Variants in SPSB1 observed in about 807,000 individuals in gnomAD.
SPSB1 encodes splA/ryanodine receptor domain and SOCS box containing 1, also known as SPRY domain-containing SOCS box protein 1.
Under a neutral mutation model 21.2 loss-of-function variants are expected in SPSB1, and 8 were observed. That is an observed-to-expected ratio of 0.38 (90% CI 0.22 to 0.68). The LOEUF (loss-of-function observed/expected upper bound fraction) is 0.68. SPSB1 is among the 30% of genes least tolerant of loss of function. The pLI is 0.53. For synonymous variants in SPSB1, 169 were observed against 161.7 expected, an observed-to-expected ratio of 1.05 and a Z score of -0.34; for missense variants, 242 against 377.8, an observed-to-expected ratio of 0.64 and a Z score of 2.98.
At chr1:9,297,640 G>C (rs1330351724) in intron 1 of SPSB1, among the ~76,000 whole-genome samples, 15 of 152,142 alleles carry the variant, frequency 9.9e-5, no homozygotes, top group African/African-American at 3.6e-4. Context: ...ACTTGATGTT[G>C]TAGCTCAGGG....
At position 9,348,101 on chromosome 1, in the gene SPSB1, C is replaced by T. The variant is rs1344724868; in HGVS notation, c.-149-7642C>T. 1.3e-5 allele frequency among the ~76,000 whole-genome samples: 2 copies of T among 152,016 alleles called. No homozygotes were observed. The highest frequency in any genetic ancestry group is 2.1e-4 in the South Asian group (1 of 4,818). ...CTGGGATTACAGGTGCTCACCACCA[C>T]GCCCAGCTTATTTTTGTATTTTTAG... On this transcript the variant is annotated intron_variant, in intron 1 of 2. Transcript: ENST00000328089. This position sits in a 1 kb window ranked among gnomAD's most constrained non-coding sequence, Gnocchi z 4.8.
In SPSB1 at chr1:9,324,956, G is replaced by A. The variant is rs1639788901; in HGVS notation, c.-149-30787G>A. Among the ~76,000 whole-genome samples the A allele has an allele frequency of 6.6e-6, 1 of 152,232 alleles. No individual in the cohort carries two copies. Among genetic ancestry groups the A allele is most frequent in the Non-Finnish European group, 1.5e-5 (1 of 68,028 alleles). The stretch of plus-strand genomic sequence containing the variant: ...GGACACCCGGCCTGGCGGGCTGGTG[G>A]ATCGGAGGCGCCTGTGAGCGGGTCA... On this transcript the variant is annotated intron_variant, in intron 1 of 2. Transcript: ENST00000328089. This position sits in a 1 kb window ranked among gnomAD's most constrained non-coding sequence, Gnocchi z 4.3.
intron 2 of SPSB1, among the ~76,000 whole-genome samples, chr1:9,361,018 G>A (rs111352951): frequency 0.081 from 12,326 of 152,220 alleles, 640 homozygotes; most frequent in Non-Finnish European, 0.12. Context: ...CAAGTCCCCC[G>A]TCCCGGGAGA....
At chr1:9,359,282 T>TG (rs1278906459) in intron 2 of SPSB1, among the ~76,000 whole-genome samples, 1 of 151,956 alleles carries the variant, frequency 6.6e-6, no homozygotes. Flanking sequence ...CATTGGAGGG[T>TG]GGGGCACTGT....
intron 1 of SPSB1, among the ~76,000 whole-genome samples, chr1:9,347,977 C>T (rs1157086077): frequency 6.8e-6 from 1 of 146,280 alleles, no homozygotes; most frequent in Non-Finnish European, 1.5e-5. Flanking sequence ...CAGAATCTCG[C>T]TCTGACGCCC....
intron 1 of SPSB1, among the ~76,000 whole-genome samples, chr1:9,304,726 A>G (rs1337186645): frequency 6.6e-6 from 1 of 152,056 alleles, no homozygotes; most frequent in Non-Finnish European, 1.5e-5. Context: ...TCCTAAGTGG[A>G]AGTGGTCCAA....
intron 1 of SPSB1, among the ~76,000 whole-genome samples, chr1:9,341,442 C>T (rs982861487): frequency 2.6e-5 from 4 of 152,244 alleles, no homozygotes; most frequent in Non-Finnish European, 4.4e-5. Flanking sequence ...GCAGCAAGTT[C>T]TGCCTGTTCT....
intron 1 of SPSB1, among the ~76,000 whole-genome samples, chr1:9,298,949 T>C (rs12069701): frequency 0.11 from 16,204 of 152,150 alleles, 1,023 homozygotes; most frequent in East Asian, 0.14. Flanking sequence ...AAAAGCAACA[T>C]TGCATCCCTG....
intron 1 of SPSB1, 63 bp from the exon 2 acceptor site, chr1:9,355,680 G>A: frequency 2.3e-6 from 3 of 1,286,958 alleles, no homozygotes; most frequent in South Asian, 6.4e-5. Context: ...CTTGCCCTCC[G>A]GGTTAACTTT....
intron 1 of SPSB1, among the ~76,000 whole-genome samples, chr1:9,307,167 A>C (rs776931132): frequency 7.2e-5 from 11 of 152,074 alleles, no homozygotes; most frequent in Non-Finnish European, 1.0e-4. Flanking sequence ...ACCTCAGGTG[A>C]TCTGCCCGCT....
At position 9,346,739 on chromosome 1, in the gene SPSB1, G is replaced by A. The variant is rs1333283375; in HGVS notation, c.-149-9004G>A. 6.6e-6 allele frequency among the ~76,000 whole-genome samples: 1 copy of A among 152,162 alleles called. No homozygotes were observed. Among genetic ancestry groups the A allele is most frequent in the South Asian group, 2.1e-4 (1 of 4,822 alleles). On this transcript the variant is annotated intron_variant, in intron 1 of 2. Coordinates refer to ENST00000328089, the MANE Select transcript of SPSB1 (RefSeq NM_025106.4). This position sits in a 1 kb window ranked among gnomAD's most constrained non-coding sequence, Gnocchi z 4.4. ...TCCCTGGCGTTGGTCTATCAGGGGTGGAACAGCCACCGGTGTTTCTGATGG... is the reference window on the plus strand; with the variant it reads ...TCCCTGGCGTTGGTCTATCAGGGGTAGAACAGCCACCGGTGTTTCTGATGG...
intron 2 of SPSB1, among the ~76,000 whole-genome samples, chr1:9,365,495 C>T (rs1360089060): frequency 6.6e-6 from 1 of 152,180 alleles, no homozygotes; most frequent in African/African-American, 2.4e-5. Flanking sequence ...TTTGTAACAG[C>T]TTTACTGAGC....
chr1:9,337,925 G>GT (rs549438556), intron 1 of SPSB1, among the ~76,000 whole-genome samples: 7 of 152,316 alleles, frequency 4.6e-5, no homozygotes, highest in African/African-American at 1.7e-4. Context: ...GAGTGACCTG[G>GT]TGGCTCTTCC....
rs1242457771 is a variant in SPSB1, at chr1:9,305,852, A to T, written c.-150+12781A>T. On this transcript the variant is annotated intron_variant, in intron 1 of 2. Transcript: ENST00000328089. The surrounding 1 kb of genome is among the most constrained non-coding windows in gnomAD (Gnocchi z 4.8). ...GGGTGAGACAGGCCCGTCTCTGCTGATGATAGCGCTCAGGGTATCAGAGGA... is the reference window on the plus strand; with the variant it reads ...GGGTGAGACAGGCCCGTCTCTGCTGTTGATAGCGCTCAGGGTATCAGAGGA... Among the ~76,000 whole-genome samples, 1 of 152,104 alleles carries T rather than the reference A, an allele frequency of 6.6e-6. No individual in the cohort carries two copies. The highest frequency in any genetic ancestry group is 6.6e-5 in the Admixed American group (1 of 15,264).
chr1:9,319,326 GGC>G (rs1334962022), intron 1 of SPSB1, among the ~76,000 whole-genome samples: 3 of 152,334 alleles, frequency 2.0e-5, no homozygotes, highest in African/African-American at 7.2e-5. Flanking sequence ...GCGCTGCCCT[GGC>G]CGTGGCATGT....
In SPSB1 at chr1:9,363,120, G is replaced by A. The variant is rs1043411406; in HGVS notation, c.695-4328G>A. On this transcript the variant is annotated intron_variant, in intron 2 of 2. Coordinates refer to ENST00000328089, the MANE Select transcript of SPSB1 (RefSeq NM_025106.4). This position sits in a 1 kb window ranked among gnomAD's most constrained non-coding sequence, Gnocchi z 4.5. ...GGGGCTGGGCATTTTTTCACGGCACGAAGCCCACGTCTGTTTCTGTGGCCA... is the reference window on the plus strand; with the variant it reads ...GGGGCTGGGCATTTTTTCACGGCACAAAGCCCACGTCTGTTTCTGTGGCCA... Among the ~76,000 whole-genome samples the A allele has an allele frequency of 5.3e-5, 8 of 152,118 alleles. No homozygotes were observed. The highest frequency in any genetic ancestry group is 2.1e-4 in the South Asian group (1 of 4,832).
At chr1:9,366,393 C>A (rs926267373) in intron 2 of SPSB1, among the ~76,000 whole-genome samples, 1 of 152,224 alleles carries the variant, frequency 6.6e-6, no homozygotes, top group Non-Finnish European at 1.5e-5. Flanking sequence ...AGAAATGACA[C>A]CTTCAGGCCG....
rs1263293586 is a variant in SPSB1, at chr1:9,317,593, T to C, written c.-150+24522T>C. On this transcript the variant is annotated intron_variant, in intron 1 of 2. Coordinates refer to ENST00000328089, the MANE Select transcript of SPSB1 (RefSeq NM_025106.4). The surrounding 1 kb of genome is among the most constrained non-coding windows in gnomAD (Gnocchi z 4.3). Reference sequence around the variant, plus strand: ...TCGGGGATCCTCACACCTCAGCCTCTTGAGTAGCTGGGACCTCAGGTATGC... The same window carrying C: ...TCGGGGATCCTCACACCTCAGCCTCCTGAGTAGCTGGGACCTCAGGTATGC... Among the ~76,000 whole-genome samples, 2 of 152,082 alleles carry C rather than the reference T, an allele frequency of 1.3e-5. No individual in the cohort carries two copies. Among genetic ancestry groups the C allele is most frequent in the African/African-American group, 4.8e-5 (2 of 41,410 alleles).
At chr1:9,351,113 C>T (rs1190534808) in intron 1 of SPSB1, among the ~76,000 whole-genome samples, 1 of 152,260 alleles carries the variant, frequency 6.6e-6, no homozygotes, top group South Asian at 2.1e-4. Context: ...TGGGCCAAAT[C>T]TGGCCCACTG....
Sources: gnomAD v4.1 joint callset for allele counts (sites outside exome capture counted in the v4.1 genomes callset) on GRCh38, gnomAD v4.1.1 for gene constraint, Gnocchi (gnomAD v3.1) non-coding constraint, MANE v1.5 for transcripts, NCBI Gene and HGNC (gene_info 2026-07-23, HGNC 2026-07-21) for gene names.